PCDHGB2: variants seen among roughly 807,000 people sequenced by gnomAD.
The protein encoded by PCDHGB2 is protocadherin gamma subfamily B, 2.
In PCDHGB2, 55 loss-of-function variants were observed where a neutral mutation model predicts 59.3. That is an observed-to-expected ratio of 0.93 (90% CI 0.75 to 1.16). The LOEUF (loss-of-function observed/expected upper bound fraction) is 1.16, where lower values mean the gene tolerates loss of function less well. Among genes scored for constraint, PCDHGB2 ranks in the 50% most tolerant of loss-of-function variants. PCDHGB2 has a pLI of 0.00. For synonymous variants in PCDHGB2, 516 were observed against 512.0 expected (o/e 1.01, Z -0.11); for missense variants, 1,228 against 1,198.5 (o/e 1.02, Z -0.36).
At chr5:141,478,173 A>G (rs1397071220) in intron 1 of PCDHGB2, 1 of 1,613,986 alleles carries the variant, frequency 6.2e-7, no homozygotes, top group Non-Finnish European at 8.5e-7. Flanking sequence ...CCCCGGGAGC[A>G]GAAAAAAAAT....
chr5:141,494,746 C>A lies in PCDHGB2; in HGVS notation c.2422-61C>A. 3 of 1,613,088 alleles carry A rather than the reference C, an allele frequency of 1.9e-6. No individual in the cohort carries two copies. The South Asian group carries it at 3.3e-5, about 18-fold the overall frequency. On this transcript the variant is annotated intron_variant, in intron 1 of 3. Coordinates refer to ENST00000522605, the MANE Select transcript of PCDHGB2 (RefSeq NM_018923.3). ...TTCTCTCCCGGCCCATCCCTAGGGG[C>A]TCGGGTGACATTCTAACTTCTCACG...
At chr5:141,382,597 A>G (rs1231482807) in intron 1 of PCDHGB2, 7 of 256,092 alleles carry the variant, frequency 2.7e-5, no homozygotes, top group African/African-American at 6.6e-5. Context: ...AGATGAAACA[A>G]TTTTCTATGA....
At chr5:141,383,473 C>A (rs764928203) in intron 1 of PCDHGB2, 1 of 1,613,568 alleles carries the variant, frequency 6.2e-7, no homozygotes, top group African/African-American at 1.3e-5. Flanking sequence ...AACTAAGTAC[C>A]CGGAACTGGT....
Position 141,362,191 on chromosome 5 carries a change from G to C in PCDHGB2, c.2056G>C (p.Ala686Pro). The change falls in exon 1 of 4, where the codon GCA becomes CCA. Residue 686 changes from alanine to proline, a missense_variant. Coordinates refer to ENST00000522605, the MANE Select transcript of PCDHGB2 (RefSeq NM_018923.3). ...CCGCCGGGAGCCCTCTGACCCCCAG[G>C]CAAAACTGCAGTTTTACCTGGTTGT... ...SDRREPSDPQ[A>P]KLQFYLVVAL... 1 of 1,614,010 alleles carries C rather than the reference G, an allele frequency of 6.2e-7. No individual in the cohort carries two copies. The highest frequency in any genetic ancestry group is 8.5e-7 in the Non-Finnish European group (1 of 1,179,882).
Position 141,360,039 on chromosome 5 carries a change from CAG to C in PCDHGB2, c.-95_-94del. ...GAGAAGGCCAGTATAGATTCGGAAA[CAG>C]AAAACAAAAGCAGGAAAAGTGACCT... is the stretch of plus-strand genomic sequence containing the variant. On this transcript the variant is annotated 5_prime_UTR_variant, in exon 1 of 4. Transcript: ENST00000522605. 7.1e-7 allele frequency: 1 copy of C among 1,415,286 alleles called. No homozygotes were observed. Among genetic ancestry groups the C allele is most frequent in the Non-Finnish European group, 9.3e-7 (1 of 1,070,474 alleles). 87.7% of individuals were successfully genotyped at this position (1,415,286 alleles called of 1,614,324 possible).
chr5:141,375,766 G>A, intron 1 of PCDHGB2: 2 of 1,614,270 alleles, frequency 1.2e-6, no homozygotes, highest in Non-Finnish European at 1.7e-6. Flanking sequence ...ATGCGCCCGA[G>A]ATCCTGTACC....
At chr5:141,415,074 G>A (rs745950404) in intron 1 of PCDHGB2, 4 of 1,613,448 alleles carry the variant, frequency 2.5e-6, no homozygotes, top group East Asian at 2.2e-5. Flanking sequence ...TGCGCACGGC[G>A]CGAGCCCTGC....
intron 1 of PCDHGB2, chr5:141,390,863 T>C (rs1292623547): frequency 6.6e-6 from 1 of 150,928 alleles, no homozygotes. Flanking sequence ...GTACGCTGTG[T>C]GTGCGTGTGT....
intron 1 of PCDHGB2, chr5:141,413,820 C>G (rs967941133): frequency 5.6e-6 from 9 of 1,613,086 alleles, no homozygotes; most frequent in South Asian, 1.1e-5. Flanking sequence ...ACCACCTGGT[C>G]CTCACCGCCT....
chr5:141,458,970 C>T (rs1260904595), intron 1 of PCDHGB2, among the ~76,000 whole-genome samples: 1 of 152,170 alleles, frequency 6.6e-6, no homozygotes, highest in Admixed American at 6.6e-5. Flanking sequence ...CAGCCTCAAG[C>T]AGTCCTCCTG....
At chr5:141,394,299 C>T (rs1420097652) in intron 1 of PCDHGB2, 1 of 1,613,884 alleles carries the variant, frequency 6.2e-7, no homozygotes, top group Non-Finnish European at 8.5e-7. Flanking sequence ...CGAGGACACG[C>T]TGCAGGGGGC....
chr5:141,425,482 C>G (rs1257043728), intron 1 of PCDHGB2, among the ~76,000 whole-genome samples: 1 of 152,192 alleles, frequency 6.6e-6, no homozygotes, highest in East Asian at 1.9e-4. Flanking sequence ...CCTATGGCAA[C>G]CTACTAGGCT....
chr5:141,428,238 G>A lies in PCDHGB2; in HGVS notation c.2421+65682G>A, dbSNP rs775703660. On this transcript the variant is annotated intron_variant, in intron 1 of 3. Transcript: ENST00000522605. ...TAGTCTTCGCAGACAGCCTGCAGGA[G>A]GCACTGCCAGACTTCAGTGACAGTC... 1.0e-5 allele frequency: 10 copies of A among 998,180 alleles called. No individual in the cohort carries two copies. The South Asian group carries it at 1.3e-4, about 13-fold the overall frequency. The allele number at this position is 998,180 out of a possible 1,614,324, so 61.8% of individuals were successfully genotyped here. A position where few individuals can be genotyped will look rare whatever the true frequency, so the allele number is the denominator to read the frequency against.
intron 1 of PCDHGB2, among the ~76,000 whole-genome samples, chr5:141,380,646 A>T (rs1221627488): frequency 6.6e-6 from 1 of 152,256 alleles, no homozygotes; most frequent in Non-Finnish European, 1.5e-5. Context: ...AATGCTAGAG[A>T]CAATGAAGCC....
intron 1 of PCDHGB2, chr5:141,395,362 T>A: frequency 1.5e-6 from 2 of 1,294,628 alleles, no homozygotes; most frequent in Non-Finnish European, 1.0e-6. Context: ...AGTTTTGGGT[T>A]TATTTTGGTG....
Position 141,432,917 on chromosome 5 carries a change from C to A in PCDHGB2, c.2422-61890C>A. 6.2e-7 allele frequency: 1 copy of A among 1,614,166 alleles called. No homozygotes were observed. Among genetic ancestry groups the A allele is most frequent in the South Asian group, 1.1e-5 (1 of 91,086 alleles). On this transcript the variant is annotated intron_variant, in intron 1 of 3. Transcript: ENST00000522605. This position sits in a 1 kb window ranked among gnomAD's most constrained non-coding sequence, Gnocchi z 6.0. The stretch of plus-strand genomic sequence containing the variant: ...GCTGGCGCTCAGGCTGCGGCGCTGG[C>A]ACAAGTCACGCCTGCTGCAGGCTTC...
Position 141,432,846 on chromosome 5 carries a change from C to T in PCDHGB2, c.2422-61961C>T, listed in dbSNP as rs1312403897. ...GACCTCACTCTGTACCTGGTGGTAGCGGTGGCCGCGGTCTCCTGCGTCTTC... is the reference window on the plus strand; with the variant it reads ...GACCTCACTCTGTACCTGGTGGTAGTGGTGGCCGCGGTCTCCTGCGTCTTC... On this transcript the variant is annotated intron_variant, in intron 1 of 3. Transcript: ENST00000522605. The surrounding 1 kb of genome is among the most constrained non-coding windows in gnomAD (Gnocchi z 6.0). 2.5e-6 allele frequency: 4 copies of T among 1,614,192 alleles called. No homozygotes were observed. The African/African-American group carries it at 5.3e-5, about 22-fold the overall frequency.
At chr5:141,385,196 G>A (rs760255338) in intron 1 of PCDHGB2, 3 of 1,614,230 alleles carry the variant, frequency 1.9e-6, no homozygotes, top group Non-Finnish European at 2.5e-6. Context: ...TCTCGGAAGA[G>A]TCACCTGATC....
At chr5:141,468,871 T>TAAG (rs796694379) in intron 1 of PCDHGB2, among the ~76,000 whole-genome samples, 1 of 148,338 alleles carries the variant, frequency 6.7e-6, no homozygotes, top group African/African-American at 2.5e-5. Flanking sequence ...ATCTCAAAAA[T>TAAG]AATAATAATA....
Sources: gnomAD v4.1 joint callset for allele counts (sites outside exome capture counted in the v4.1 genomes callset) on GRCh38, gnomAD v4.1.1 for gene constraint, Gnocchi (gnomAD v3.1) non-coding constraint, MANE v1.5 for transcripts, NCBI Gene and HGNC (gene_info 2026-07-23, HGNC 2026-07-21) for gene names.